The following BMPR2 variants were observed in gnomAD, a reference collection of about 807,000 sequenced individuals.
The protein encoded by BMPR2 is bone morphogenetic protein receptor type-2.
Under a neutral mutation model 100.8 loss-of-function variants are expected in BMPR2, and 29 were observed. That is an observed-to-expected ratio of 0.29 (90% CI 0.21 to 0.39). BMPR2 has a LOEUF of 0.39. BMPR2 is among the 10% of genes least tolerant of loss of function. BMPR2 has a pLI of 1.00. For synonymous variants in BMPR2, 382 were observed against 442.3 expected (o/e 0.86, Z 1.71); for missense variants, 1,011 against 1,274.5 (o/e 0.79, Z 3.15).
chr2:202,405,850 C>T (rs1227439639), intron 1 of BMPR2, among the ~76,000 whole-genome samples: 1 of 152,050 alleles, frequency 6.6e-6, no homozygotes, highest in Non-Finnish European at 1.5e-5. Context: ...AATTTTAAAT[C>T]ATTAGCCTGT....
intron 3 of BMPR2, among the ~76,000 whole-genome samples, chr2:202,480,372 G>A (rs1381599857): frequency 6.6e-6 from 1 of 152,018 alleles, no homozygotes; most frequent in Non-Finnish European, 1.5e-5. Context: ...CAGGTGATCT[G>A]CCTGCCTCGG....
intron 10 of BMPR2, among the ~76,000 whole-genome samples, chr2:202,549,356 G>C (rs1186916282): frequency 6.6e-6 from 1 of 152,058 alleles, no homozygotes; most frequent in Non-Finnish European, 1.5e-5. Context: ...ATGGATATTT[G>C]ACTTATTTCC....
At chr2:202,384,600 C>G (rs549847091) in intron 1 of BMPR2, among the ~76,000 whole-genome samples, 24 of 87,512 alleles carry the variant, frequency 2.7e-4, no homozygotes, top group African/African-American at 9.7e-4. Flanking sequence ...TTCTTTCTTT[C>G]TTTCTTTCTT....
In BMPR2 at chr2:202,560,187, C is replaced by T. The variant is rs886055473; in HGVS notation, c.*241C>T. ...TTAGTCTCGCTAAAGTTATATTTGT[C>T]TGTTATGACCACAGAGTTATATGTG... On this transcript the variant is annotated 3_prime_UTR_variant, in exon 13 of 13. Coordinates refer to ENST00000374580, the MANE Select transcript of BMPR2 (RefSeq NM_001204.7). 4 of 515,212 alleles carry T rather than the reference C, an allele frequency of 7.8e-6. No individual in the cohort carries two copies. In the South Asian group the frequency reaches 8.6e-5, roughly 11 times the overall value. 31.9% of individuals were successfully genotyped at this position (515,212 alleles called of 1,614,324 possible).
At chr2:202,480,060 A>G (rs1267324903) in intron 3 of BMPR2, among the ~76,000 whole-genome samples, 1 of 152,052 alleles carries the variant, frequency 6.6e-6, no homozygotes, top group African/African-American at 2.4e-5. Context: ...TTTGAGGTAC[A>G]TAGTTTTGAC....
At chr2:202,422,348 C>T (rs1376545726) in intron 1 of BMPR2, among the ~76,000 whole-genome samples, 3 of 152,086 alleles carry the variant, frequency 2.0e-5, no homozygotes, top group Non-Finnish European at 4.4e-5. Flanking sequence ...GCTCTGTCGC[C>T]CAGGCTGGAG....
rs760804085 is a variant in BMPR2 at position 202,564,200 on chromosome 2, A to G, written c.*4254A>G. The G allele has an allele frequency of 2.0e-5, 3 of 152,120 alleles. No individual in the cohort carries two copies. The highest frequency in any genetic ancestry group is 7.2e-5 in the African/African-American group (3 of 41,432). The allele number at this position is 152,120 out of a possible 1,614,324, so 9.4% of individuals were successfully genotyped here. On this transcript the variant is annotated 3_prime_UTR_variant, in exon 13 of 13. Transcript: ENST00000374580. The stretch of plus-strand genomic sequence containing the variant: ...ATTTCAATGAGCTTTTCCTTTTTTC[A>G]TATTTATGGACATGAATATTTTATT...
At position 202,506,854 on chromosome 2, in the gene BMPR2, C is replaced by T. The variant is rs536283179; in HGVS notation, c.419-6865C>T. Among the ~76,000 whole-genome samples, 6 of 152,046 alleles carry T rather than the reference C, an allele frequency of 3.9e-5. No homozygotes were observed. In the South Asian group the frequency reaches 6.2e-4, roughly 16 times the overall value. The stretch of plus-strand genomic sequence containing the variant: ...GGCAGAGGTTGCAGTGAGCTGAGAT[C>T]GCGCCACTGCTCTCCAGCCTGGGTG... On this transcript the variant is annotated intron_variant, in intron 3 of 12. Transcript: ENST00000374580.
At chr2:202,460,183 T>C (rs1168666805) in intron 1 of BMPR2, among the ~76,000 whole-genome samples, 1 of 152,150 alleles carries the variant, frequency 6.6e-6, no homozygotes, top group Non-Finnish European at 1.5e-5. Flanking sequence ...AATTCAGCCA[T>C]TTTGGACACA....
intron 1 of BMPR2, among the ~76,000 whole-genome samples, chr2:202,417,892 G>GT (rs977192863): frequency 9.2e-5 from 14 of 151,472 alleles, no homozygotes; most frequent in South Asian, 8.4e-4. Flanking sequence ...CTAATTTTTT[G>GT]TTTTTTTAGT....
chr2:202,559,471 C>G (rs1202617649), intron 12 of BMPR2, among the ~76,000 whole-genome samples: 1 of 152,046 alleles, frequency 6.6e-6, no homozygotes, highest in African/African-American at 2.4e-5. Flanking sequence ...TTTCCCTTGC[C>G]TTATAAAATA....
At position 202,532,877 on chromosome 2, in the gene BMPR2, A is replaced by C. The variant is rs1688055107; in HGVS notation, c.1276+145A>C. Reference sequence around the variant, plus strand: ...TAGTTCATTGCTATCTAGTGTTTAGAAACATTATTAGCAGCAGGATGCAAA... The same window carrying C: ...TAGTTCATTGCTATCTAGTGTTTAGCAACATTATTAGCAGCAGGATGCAAA... On this transcript the variant is annotated intron_variant, in intron 9 of 12. Coordinates refer to ENST00000374580, the MANE Select transcript of BMPR2 (RefSeq NM_001204.7). This position sits in a 1 kb window ranked among gnomAD's most constrained non-coding sequence, Gnocchi z 4.1. 9.6e-7 allele frequency: 1 copy of C among 1,037,930 alleles called. No homozygotes were observed. Among genetic ancestry groups the C allele is most frequent in the Non-Finnish European group, 1.4e-6 (1 of 729,080 alleles). 64.3% of individuals were successfully genotyped at this position (1,037,930 alleles called of 1,614,324 possible).
intron 1 of BMPR2, among the ~76,000 whole-genome samples, chr2:202,410,223 G>C (rs1056273090): frequency 1.3e-5 from 2 of 151,908 alleles, no homozygotes; most frequent in African/African-American, 4.8e-5. Flanking sequence ...GACCTCAAGT[G>C]ATCCGCCCGC....
intron 3 of BMPR2, among the ~76,000 whole-genome samples, chr2:202,488,798 A>G (rs1475967794): frequency 1.3e-5 from 2 of 152,284 alleles, no homozygotes; most frequent in East Asian, 1.9e-4. Flanking sequence ...GTTTAGTAGC[A>G]TTAAGCACAT....
chr2:202,420,944 C>G (rs1691250041), intron 1 of BMPR2, among the ~76,000 whole-genome samples: 1 of 151,774 alleles, frequency 6.6e-6, no homozygotes, highest in African/African-American at 2.4e-5. Context: ...TGTTACCAGG[C>G]TTCATTTAAA....
intron 1 of BMPR2, among the ~76,000 whole-genome samples, chr2:202,428,643 G>A (rs1346174111): frequency 1.3e-5 from 2 of 152,020 alleles, no homozygotes; most frequent in Admixed American, 6.6e-5. Context: ...CTGGGCTGAA[G>A]CGATCCTGCC....
At chr2:202,420,788 C>G (rs1691247692) in intron 1 of BMPR2, among the ~76,000 whole-genome samples, 1 of 151,472 alleles carries the variant, frequency 6.6e-6, no homozygotes, top group African/African-American at 2.4e-5. Context: ...CTCAGGTCAT[C>G]CACCTGCCTT....
intron 1 of BMPR2, among the ~76,000 whole-genome samples, chr2:202,426,521 A>G (rs547003307): frequency 2.5e-4 from 34 of 138,010 alleles, no homozygotes; most frequent in Non-Finnish European, 3.2e-4. Context: ...GTGAGCCAAG[A>G]TTGTATCACT....
chr2:202,437,005 A>G (rs560434172), intron 1 of BMPR2, among the ~76,000 whole-genome samples: 1 of 150,432 alleles, frequency 6.6e-6, no homozygotes, highest in East Asian at 1.9e-4. Flanking sequence ...GGCTTCCTCA[A>G]AAACTCTAAA....
Sources: gnomAD v4.1 joint callset for allele counts (sites outside exome capture counted in the v4.1 genomes callset) on GRCh38, gnomAD v4.1.1 for gene constraint, Gnocchi (gnomAD v3.1) non-coding constraint, MANE v1.5 for transcripts, NCBI Gene and HGNC (gene_info 2026-07-23, HGNC 2026-07-21) for gene names.